Variants in CAMK2D observed in about 807,000 individuals in gnomAD.
CAMK2D encodes calcium/calmodulin dependent protein kinase II delta.
CAMK2D carries 37 observed loss-of-function variants against 84.0 expected under a neutral mutation model. That is an observed-to-expected ratio of 0.44 (90% confidence interval 0.34 to 0.58). CAMK2D has a LOEUF of 0.58. CAMK2D is among the 20% of genes least tolerant of loss of function. The pLI, the probability that CAMK2D is intolerant of heterozygous loss-of-function variation, is 0.02. For missense variants in CAMK2D, 448 were observed against 652.5 expected (o/e 0.69, Z 3.41); for synonymous variants, 202 against 212.5 (o/e 0.95, Z 0.43).
At chr4:113,538,497 TA>T (rs2098508597) in intron 6 of CAMK2D, among the ~76,000 whole-genome samples, 1 of 152,160 alleles carries the variant, frequency 6.6e-6, no homozygotes. Context: ...CCAGCAAATT[TA>T]GAGGTGTGTC....
chr4:113,568,582 A>G (rs1220846891), intron 4 of CAMK2D, among the ~76,000 whole-genome samples: 1 of 152,204 alleles, frequency 6.6e-6, no homozygotes, highest in East Asian at 1.9e-4. Context: ...TCTTTTTGGT[A>G]TATACTGAGA....
Position 113,521,439 on chromosome 4 carries a change from T to A in CAMK2D, c.602-3782A>T, listed in dbSNP as rs189265557. ...CAAGATGCTCCTGGATCATCTTGCTTTTTTCCTGTTCTAAACTTGAAATCA... is the reference window on the plus strand; with the variant it reads ...CAAGATGCTCCTGGATCATCTTGCTATTTTCCTGTTCTAAACTTGAAATCA... On this transcript the variant is annotated intron_variant, in intron 8 of 20. Coordinates refer to ENST00000511664, the MANE Select transcript of CAMK2D (RefSeq NM_001321571.2). 4.7e-3 allele frequency among the ~76,000 whole-genome samples: 712 copies of A among 152,306 alleles called. 8 individuals carry two copies. The highest frequency in any genetic ancestry group is 0.017 in the African/African-American group (687 of 41,576).
chr4:113,471,852 TTC>T lies in CAMK2D; in HGVS notation c.1136-6250_1136-6249del, dbSNP rs558657643. 5.9e-5 allele frequency among the ~76,000 whole-genome samples: 9 copies of T among 151,820 alleles called. No individual in the cohort carries two copies. In the South Asian group the frequency reaches 1.9e-3, roughly 32 times the overall value. ...ATGGTCTAGAAGCTGAAGCCCAAAGTTCTCTGTTTTAAAGATCTTCTTACTTT... is the reference window on the plus strand; with the variant it reads ...ATGGTCTAGAAGCTGAAGCCCAAAGTTCTGTTTTAAAGATCTTCTTACTTT... On this transcript the variant is annotated intron_variant, in intron 16 of 20. Transcript: ENST00000511664.
At chr4:113,530,833 C>T (rs1298540470) in intron 8 of CAMK2D, among the ~76,000 whole-genome samples, 5 of 152,120 alleles carry the variant, frequency 3.3e-5, no homozygotes, top group Admixed American at 3.3e-4. Flanking sequence ...ACCTGTAATC[C>T]CAGCACTTTG....
At chr4:113,517,426 C>G in intron 9 of CAMK2D, 137 bp downstream of exon 9, 1 of 445,354 alleles carries the variant, frequency 2.2e-6, no homozygotes, top group Non-Finnish European at 4.1e-6. Context: ...TTCTTTCTCC[C>G]TTTCCTTAAG....
At chr4:113,696,793 T>C (rs2099404186) in intron 2 of CAMK2D, among the ~76,000 whole-genome samples, 1 of 152,092 alleles carries the variant, frequency 6.6e-6, no homozygotes, top group Non-Finnish European at 1.5e-5. Context: ...AGGAGGGAAC[T>C]GAACTGTAGA....
intron 15 of CAMK2D, among the ~76,000 whole-genome samples, 167 bp downstream of exon 15, chr4:113,502,769 G>T (rs2098072423): frequency 1.3e-5 from 2 of 152,098 alleles, no homozygotes; most frequent in Admixed American, 1.3e-4. Context: ...ATTTTTATTT[G>T]CAAGAAGTAT....
intron 8 of CAMK2D, among the ~76,000 whole-genome samples, chr4:113,526,445 C>T (rs1409925795): frequency 1.0e-5 from 1 of 95,650 alleles, no homozygotes; most frequent in Non-Finnish European, 2.1e-5. Context: ...TGTGTGTGTG[C>T]ATGCATGTAT....
intron 2 of CAMK2D, among the ~76,000 whole-genome samples, chr4:113,736,126 TAGA>T (rs2099580689): frequency 3.1e-5 from 1 of 32,776 alleles, no homozygotes; most frequent in African/African-American, 7.0e-5. Flanking sequence ...GACTCACTAG[TAGA>T]ATTAAAAAAA....
At chr4:113,738,168 A>G (rs2099585477) in intron 2 of CAMK2D, among the ~76,000 whole-genome samples, 1 of 150,512 alleles carries the variant, frequency 6.6e-6, no homozygotes, top group Non-Finnish European at 1.5e-5. Context: ...ATACAGCACA[A>G]CCCCATAAGA....
At chr4:113,658,405 T>G (rs1250256447) in intron 3 of CAMK2D, among the ~76,000 whole-genome samples, 2 of 152,082 alleles carry the variant, frequency 1.3e-5, no homozygotes, top group African/African-American at 4.8e-5. Flanking sequence ...CCTACAATGT[T>G]TTTCGTTTGT....
chr4:113,462,288 GTGTGTGTC>G (rs1224635677), intron 17 of CAMK2D, among the ~76,000 whole-genome samples: 78 of 84,178 alleles, frequency 9.3e-4, no homozygotes, highest in Non-Finnish European at 1.3e-3. Flanking sequence ...GTGTGTGTGT[GTGTGTGTC>G]TGTCTGTCTG....
chr4:113,691,146 C>T (rs1410771083), intron 2 of CAMK2D, among the ~76,000 whole-genome samples: 1 of 152,138 alleles, frequency 6.6e-6, no homozygotes, highest in Non-Finnish European at 1.5e-5. Context: ...AAAAAAGATA[C>T]TAAAGGGTAG....
intron 8 of CAMK2D, among the ~76,000 whole-genome samples, chr4:113,529,063 C>G (rs2154181000): frequency 6.6e-6 from 1 of 152,208 alleles, no homozygotes; most frequent in Admixed American, 6.5e-5. Context: ...GCATTTGACC[C>G]TCCTACAATT....
intron 2 of CAMK2D, among the ~76,000 whole-genome samples, chr4:113,750,589 TG>T: frequency 6.6e-6 from 1 of 152,330 alleles, no homozygotes. Flanking sequence ...CTTTTACCTC[TG>T]GATCTCTAAA....
At chr4:113,699,028 T>G (rs1372149901) in intron 2 of CAMK2D, among the ~76,000 whole-genome samples, 1 of 152,122 alleles carries the variant, frequency 6.6e-6, no homozygotes, top group South Asian at 2.1e-4. Flanking sequence ...GGATAGATAT[T>G]GCCAAATTGC....
intron 3 of CAMK2D, among the ~76,000 whole-genome samples, chr4:113,622,625 G>A (rs6828623): frequency 0.19 from 29,348 of 152,100 alleles, 3,675 homozygotes; most frequent in African/African-American, 0.35. Flanking sequence ...AAAGCTGGAC[G>A]TGGTGTTGCA....
At chr4:113,668,743 A>C (rs1372725403) in intron 2 of CAMK2D, among the ~76,000 whole-genome samples, 1 of 152,166 alleles carries the variant, frequency 6.6e-6, no homozygotes, top group Non-Finnish European at 1.5e-5. Flanking sequence ...AAAAACTCAC[A>C]ATTATTCAGT....
intron 3 of CAMK2D, among the ~76,000 whole-genome samples, chr4:113,645,398 A>G (rs1299937305): frequency 6.6e-6 from 1 of 152,200 alleles, no homozygotes; most frequent in Non-Finnish European, 1.5e-5. Context: ...GAACATAGCC[A>G]TACCTATTCA....
Sources: gnomAD v4.1 joint callset for allele counts (sites outside exome capture counted in the v4.1 genomes callset) on GRCh38, gnomAD v4.1.1 for gene constraint, MANE v1.5 for transcripts, NCBI Gene and HGNC (gene_info 2026-07-23, HGNC 2026-07-21) for gene names.